KLHDC4: variants seen among roughly 807,000 people sequenced by gnomAD.
KLHDC4 encodes the protein kelch domain containing 4.
KLHDC4 carries 90 observed loss-of-function variants against 62.4 expected under a neutral mutation model. That is an observed-to-expected ratio of 1.44 (90% CI 1.22 to 1.72). The LOEUF is 1.72. Among genes scored for constraint, KLHDC4 ranks in the 40% most tolerant of loss-of-function variants. The pLI is 0.00. For missense variants in KLHDC4, 1,025 were observed against 699.7 expected (o/e 1.47, Z -5.25); for synonymous variants, 386 against 284.4 (o/e 1.36, Z -3.59).
chr16:87,755,155 G>A (rs781389521), intron 4 of KLHDC4, 39 bp downstream of exon 4: 2 of 1,378,892 alleles, frequency 1.5e-6, no homozygotes, highest in Non-Finnish European at 2.1e-6. Flanking sequence ...CTCCCACGTG[G>A]GAAGAGGGAG....
In KLHDC4 at chr16:87,708,369, C is replaced by G. The variant is rs1175386065; in HGVS notation, c.1545G>C (p.Glu515Asp). ...GCTCACCTCAGTCCTCCGCACCGCT[C>G]TCCTCTCCGCTGTCTTCGTCGTCGA... ...GGVDDEDSGEESGAED is the reference protein window; with the variant it reads ...GGVDDEDSGEDSGAED Residue 515 changes from glutamate (E) to aspartate (D), a missense_variant, in exon 11 of 12, where the codon GAG (glutamate) becomes GAC (aspartate). Glu to Asp is a conservative substitution (Grantham distance 45). Coordinates refer to ENST00000270583, the MANE Select transcript of KLHDC4 (RefSeq NM_017566.4). 2 of 1,608,450 alleles carry G rather than the reference C, an allele frequency of 1.2e-6. No individual in the cohort carries two copies. The highest frequency in any genetic ancestry group is 1.7e-6 in the Non-Finnish European group (2 of 1,177,964).
intron 7 of KLHDC4, among the ~76,000 whole-genome samples, chr16:87,722,805 G>C (rs370317954): frequency 1.3e-5 from 2 of 152,232 alleles, no homozygotes; most frequent in Admixed American, 6.5e-5. Context: ...TGAGGGCCCC[G>C]GGGAGGCGCC....
chr16:87,748,551 C>G, intron 5 of KLHDC4, 122 bp downstream of exon 5: 1 of 1,292,618 alleles, frequency 7.7e-7, no homozygotes, highest in African/African-American at 1.5e-5. Flanking sequence ...GGCTGGGCTC[C>G]AGGACTGTGA....
At chr16:87,730,442 G>T in intron 6 of KLHDC4, 110 bp downstream of exon 6, 1 of 921,450 alleles carries the variant, frequency 1.1e-6, no homozygotes, top group Non-Finnish European at 1.6e-6. Flanking sequence ...CATGAAGCTG[G>T]ATTTGGGAGG....
chr16:87,760,093 T>C (rs76788434), intron 2 of KLHDC4, among the ~76,000 whole-genome samples: 2,472 of 152,112 alleles, frequency 0.016, 69 homozygotes, highest in African/African-American at 0.054. Flanking sequence ...AAGCAAAAGA[T>C]CTTAATCTCA....
At position 87,743,455 on chromosome 16, in the gene KLHDC4, C is replaced by A. The variant is rs1227533369; in HGVS notation, c.506+5218G>T. The stretch of plus-strand genomic sequence containing the variant: ...TTGACTGAATATTAAAAAAAATAAA[C>A]CTGGCCAGGCGCCGTGGCTCATGCC... On this transcript the variant is annotated intron_variant, in intron 5 of 11. Coordinates refer to ENST00000270583, the MANE Select transcript of KLHDC4 (RefSeq NM_017566.4). Among the ~76,000 whole-genome samples, 10 of 152,122 alleles carry A rather than the reference C, an allele frequency of 6.6e-5. No individual in the cohort carries two copies. The South Asian group carries it at 1.7e-3, about 25-fold the overall frequency.
At chr16:87,758,952 G>A (rs959759689) in intron 2 of KLHDC4, among the ~76,000 whole-genome samples, 2 of 152,124 alleles carry the variant, frequency 1.3e-5, no homozygotes, top group East Asian at 1.9e-4. Context: ...GAGGCGGGCG[G>A]ATCACCTGAG....
In KLHDC4 at chr16:87,752,506, T is replaced by G. The variant is rs141436766; in HGVS notation, c.369+2688A>C. Among the ~76,000 whole-genome samples, 630 of 151,992 alleles carry G rather than the reference T, an allele frequency of 4.1e-3. 3 individuals carry two copies. Among genetic ancestry groups the G allele is most frequent in the African/African-American group, 0.015 (604 of 41,472 alleles). On this transcript the variant is annotated intron_variant, in intron 4 of 11. Transcript: ENST00000270583. ...CACGCGCCACGACGCCCAGGTAATTTTTGTAGTTTTAGTAGAGACGGGGTT... is the reference window on the plus strand; with the variant it reads ...CACGCGCCACGACGCCCAGGTAATTGTTGTAGTTTTAGTAGAGACGGGGTT...
chr16:87,714,664 G>T, intron 7 of KLHDC4, 91 bp from the exon 8 acceptor site: 1 of 1,362,442 alleles, frequency 7.3e-7, no homozygotes, highest in South Asian at 1.2e-5. Context: ...TTGGATGGAA[G>T]GGGCTGGAGG....
chr16:87,746,212 A>G (rs1232831491), intron 5 of KLHDC4, among the ~76,000 whole-genome samples: 1 of 152,104 alleles, frequency 6.6e-6, no homozygotes, highest in East Asian at 1.9e-4. Context: ...TGAGGCTGCA[A>G]TAAGGTGTGA....
chr16:87,724,850 A>G (rs2039060139), intron 7 of KLHDC4, among the ~76,000 whole-genome samples: 1 of 152,178 alleles, frequency 6.6e-6, no homozygotes, highest in African/African-American at 2.4e-5. Context: ...CCCAAGAGAA[A>G]CCAACACACG....
Position 87,730,584 on chromosome 16 carries a change from C to G in KLHDC4, c.567G>C (p.Leu189Phe), listed in dbSNP as rs1414046132. 5.0e-6 allele frequency: 8 copies of G among 1,613,064 alleles called. No individual in the cohort carries two copies. Among genetic ancestry groups the G allele is most frequent in the Non-Finnish European group, 6.8e-6 (8 of 1,179,812 alleles). The part of the protein sequence containing the change: ...GHRMVAWKRQ[L>F]ILFGGFHEST... ...TTTCATGGAAGCCACCAAACAGGAT[C>G]AATTGTCTCTTCCAGGCCACCATCC... The change falls in exon 6 of 12, where the codon TTG (leucine) becomes TTC (phenylalanine). Residue 189 changes from leucine (L) to phenylalanine (F), a missense_variant. Transcript: ENST00000270583.
exon 1 of KLHDC4, chr16:87,702,103 G>A (rs1448378095): frequency 2.2e-6 from 1 of 456,136 alleles, no homozygotes; most frequent in Non-Finnish European, 4.4e-6. Flanking sequence ...ACAGCCTTCG[G>A]GTCCCAGAGC....
At chr16:87,713,722 G>C (rs2036352626) in intron 8 of KLHDC4, among the ~76,000 whole-genome samples, 1 of 152,174 alleles carries the variant, frequency 6.6e-6, no homozygotes, top group Non-Finnish European at 1.5e-5. Context: ...GGTGGTGAGA[G>C]TGGCTGACAC....
intron 5 of KLHDC4, 113 bp from the exon 6 acceptor site, chr16:87,730,757 C>T (rs2040204128): frequency 2.4e-6 from 2 of 849,300 alleles, no homozygotes; most frequent in Admixed American, 2.4e-5. Flanking sequence ...TTTGTGAGCA[C>T]TTACTGCTCA....
intron 5 of KLHDC4, among the ~76,000 whole-genome samples, chr16:87,744,362 C>A (rs1251684520): frequency 1.3e-5 from 2 of 151,512 alleles, no homozygotes; most frequent in African/African-American, 4.9e-5. Flanking sequence ...TGGCAGTGAG[C>A]CGAGATCCCG....
At chr16:87,737,408 T>G (rs2041519565) in intron 5 of KLHDC4, among the ~76,000 whole-genome samples, 1 of 151,772 alleles carries the variant, frequency 6.6e-6, no homozygotes, top group Non-Finnish European at 1.5e-5. Flanking sequence ...GCCAACATGG[T>G]GAAACCCCGA....
At chr16:87,703,984 A>G (rs1470920491), downstream of KLHDC4, among the ~76,000 whole-genome samples, 2 of 152,204 alleles carry the variant, frequency 1.3e-5, no homozygotes, top group Non-Finnish European at 2.9e-5. Flanking sequence ...TGCCCAGGAG[A>G]GCAGCGGTCA....
At chr16:87,707,232 A>G (rs1348388941), downstream of KLHDC4, among the ~76,000 whole-genome samples, 3 of 152,250 alleles carry the variant, frequency 2.0e-5, no homozygotes, top group Non-Finnish European at 4.4e-5. Context: ...AGGAGGCCGC[A>G]GCGCTGAAGC....
Sources: gnomAD v4.1 joint callset for allele counts (sites outside exome capture counted in the v4.1 genomes callset) on GRCh38, gnomAD v4.1.1 for gene constraint, MANE v1.5 for transcripts, NCBI Gene and HGNC (gene_info 2026-07-23, HGNC 2026-07-21) for gene names.